CDKAL1: variants seen among roughly 807,000 people sequenced by gnomAD.
CDKAL1 encodes the protein CDKAL1 threonylcarbamoyladenosine tRNA methylthiotransferase.
Under a neutral mutation model 68.2 loss-of-function variants are expected in CDKAL1, and 32 were observed. The observed-to-expected ratio is 0.47, with a 90% confidence interval of 0.35 to 0.63. The LOEUF (loss-of-function observed/expected upper bound fraction) is 0.63. Among genes scored for constraint, CDKAL1 ranks in the 30% least tolerant of loss-of-function variants. The pLI, the probability that CDKAL1 is intolerant of heterozygous loss-of-function variation, is 0.00. For missense variants in CDKAL1, 606 were observed against 696.7 expected (o/e 0.87, Z 1.47); for synonymous variants, 234 against 244.3 (o/e 0.96, Z 0.39).
chr6:21,133,032 T>C (rs913590294), intron 13 of CDKAL1, among the ~76,000 whole-genome samples: 1 of 152,212 alleles, frequency 6.6e-6, no homozygotes, highest in Non-Finnish European at 1.5e-5. Context: ...CCTTTCTCCC[T>C]ACAACTGCCC....
At chr6:20,949,949 C>T (rs546667767) in intron 9 of CDKAL1, among the ~76,000 whole-genome samples, 2 of 151,910 alleles carry the variant, frequency 1.3e-5, no homozygotes, top group Admixed American at 1.3e-4. Context: ...ACCACTGTGC[C>T]TGGCTAATTT....
Position 21,195,743 on chromosome 6 carries a change from C to G in CDKAL1, c.1300-2278C>G, listed in dbSNP as rs182279627. Among the ~76,000 whole-genome samples the G allele has an allele frequency of 3.1e-3, 473 of 151,988 alleles. 3 individuals are homozygous for G. The highest frequency in any genetic ancestry group is 1.0e-2 in the African/African-American group (414 of 41,424). On this transcript the variant is annotated intron_variant, in intron 13 of 15. Transcript: ENST00000274695. ...CCAGGCGGTCTCAAACTCCTGGACT[C>G]AAGTGATCTGCCCACCTCTGCCTCC... is the stretch of plus-strand genomic sequence containing the variant.
chr6:20,599,362 T>C, intron 4 of CDKAL1: 1 of 454,198 alleles, frequency 2.2e-6, no homozygotes, highest in Middle Eastern at 3.3e-4. Context: ...TACATGTCTC[T>C]CTCCAGTTAT....
intron 12 of CDKAL1, among the ~76,000 whole-genome samples, chr6:21,098,534 CTTTTTTTT>C (rs34764667): frequency 3.7e-5 from 3 of 80,972 alleles, no homozygotes; most frequent in Non-Finnish European, 4.7e-5. Context: ...GGGTACACAG[CTTTTTTTT>C]TTTTTTTTTT....
At chr6:20,934,755 G>A (rs1012275886) in intron 9 of CDKAL1, among the ~76,000 whole-genome samples, 2 of 152,078 alleles carry the variant, frequency 1.3e-5, no homozygotes, top group South Asian at 2.1e-4. Flanking sequence ...GCTGAGGCAG[G>A]AGGATACTTG....
In CDKAL1 at chr6:21,198,113, C is replaced by T. The variant is rs369244067; in HGVS notation, c.1383+9C>T. On this transcript the variant is annotated intron_variant, in intron 14 of 15. Transcript: ENST00000274695. ...ATCAATTCTATGAGCAGGTAAGAGG[C>T]ACTTCAGTATTCTTGAGTTTTCTCC... is the stretch of plus-strand genomic sequence containing the variant. 4.8e-5 allele frequency: 75 copies of T among 1,565,982 alleles called. No homozygotes were observed. The African/African-American group carries it at 9.1e-4, about 19-fold the overall frequency.
chr6:20,557,754 C>G (rs564703190), intron 4 of CDKAL1, among the ~76,000 whole-genome samples: 74 of 152,206 alleles, frequency 4.9e-4, no homozygotes, highest in African/African-American at 1.6e-3. Context: ...TGGTGAAACC[C>G]CATCTCTACT....
At chr6:20,628,506 TTAACA>T (rs1767529888) in intron 4 of CDKAL1, among the ~76,000 whole-genome samples, 2 of 152,308 alleles carry the variant, frequency 1.3e-5, no homozygotes, top group South Asian at 4.1e-4. Context: ...GAAAGATTTA[TTAACA>T]TAATTACATG....
intron 15 of CDKAL1, among the ~76,000 whole-genome samples, chr6:21,213,093 T>C (rs1368024606): frequency 1.3e-5 from 2 of 148,734 alleles, no homozygotes; most frequent in African/African-American, 5.0e-5. Flanking sequence ...AGGAATAGAG[T>C]AGCCCTTACG....
At chr6:20,641,979 G>C (rs1431389572) in intron 4 of CDKAL1, among the ~76,000 whole-genome samples, 1 of 152,202 alleles carries the variant, frequency 6.6e-6, no homozygotes, top group African/African-American at 2.4e-5. Context: ...CATCAGCAGA[G>C]GGAGAGGTTG....
intron 8 of CDKAL1, among the ~76,000 whole-genome samples, chr6:20,784,412 C>CTTTTCTTTTTTTT (rs1775572868): frequency 3.0e-5 from 1 of 33,494 alleles, no homozygotes; most frequent in African/African-American, 1.2e-4. Flanking sequence ...TATTTTATTT[C>CTTTTCTTTTTTTT]TTTTTTTTTT....
chr6:21,190,360 T>TG (rs1778183675), intron 13 of CDKAL1, among the ~76,000 whole-genome samples: 1 of 151,792 alleles, frequency 6.6e-6, no homozygotes, highest in East Asian at 1.9e-4. Flanking sequence ...TTGATATGTG[T>TG]GGGGTTTTTT....
At chr6:20,544,589 C>G (rs1431273207) in intron 2 of CDKAL1, among the ~76,000 whole-genome samples, 1 of 104,236 alleles carries the variant, frequency 9.6e-6, no homozygotes, top group Admixed American at 1.0e-4. Context: ...GAGCGAAACT[C>G]CGTCTCAAAA....
At chr6:20,666,704 T>TTA (rs1452914752) in intron 5 of CDKAL1, among the ~76,000 whole-genome samples, 5 of 147,580 alleles carry the variant, frequency 3.4e-5, no homozygotes, top group African/African-American at 1.2e-4. Flanking sequence ...TTTTTTTTTT[T>TTA]TGACTTATTA....
intron 10 of CDKAL1, among the ~76,000 whole-genome samples, chr6:20,985,889 CTTT>C (rs1175407010): frequency 6.6e-6 from 1 of 150,744 alleles, no homozygotes; most frequent in Non-Finnish European, 1.5e-5. Flanking sequence ...CTCTTTTCTT[CTTT>C]TACCTTCTTT....
intron 1 of CDKAL1, 67 bp from the exon 2 acceptor site, chr6:20,535,284 G>A (rs991259641): frequency 2.0e-5 from 3 of 152,322 alleles, no homozygotes; most frequent in African/African-American, 7.2e-5. Context: ...TTTAAGTAAA[G>A]AATCCTTACA....
At chr6:20,898,752 CT>C (rs1253401093) in intron 9 of CDKAL1, among the ~76,000 whole-genome samples, 3 of 151,964 alleles carry the variant, frequency 2.0e-5, no homozygotes, top group Admixed American at 6.6e-5. Context: ...CATATATAAA[CT>C]TTTTTATTTT....
intron 6 of CDKAL1, among the ~76,000 whole-genome samples, chr6:20,744,633 G>A (rs1773591156): frequency 6.6e-6 from 1 of 152,152 alleles, no homozygotes; most frequent in Non-Finnish European, 1.5e-5. Context: ...AGATGGAAAT[G>A]CCCTTGGTGT....
chr6:20,592,547 C>T (rs1765638179), intron 4 of CDKAL1, among the ~76,000 whole-genome samples: 1 of 151,116 alleles, frequency 6.6e-6, no homozygotes, highest in African/African-American at 2.4e-5. Context: ...CGGCCCACTG[C>T]AACCTTCACC....
Sources: allele counts gnomAD v4.1 joint callset (sites outside exome capture counted in the v4.1 genomes callset), GRCh38; gene constraint gnomAD v4.1.1; transcripts MANE v1.5; gene names NCBI Gene and HGNC (gene_info 2026-07-23, HGNC 2026-07-21).